ATP13A4: variants seen among roughly 807,000 people sequenced by gnomAD.
The protein encoded by ATP13A4 is probable cation-transporting ATPase 13A4.
A neutral mutation model predicts 142.5 loss-of-function variants in ATP13A4; 114 were observed. The ratio of observed to expected loss-of-function variants is 0.80; its 90% CI spans 0.69 to 0.93. The LOEUF is 0.93. Ranked by LOEUF, ATP13A4 falls within the 40% of genes least tolerant of loss-of-function variation. The pLI is 0.00. For missense variants in ATP13A4, 1,392 were observed against 1,454.0 expected (o/e 0.96, Z 0.69); for synonymous variants, 488 against 514.8 (o/e 0.95, Z 0.70).
At chr3:193,486,240 GC>G (rs928334980) in intron 7 of ATP13A4, among the ~76,000 whole-genome samples, 101 of 152,194 alleles carry the variant, frequency 6.6e-4, no homozygotes, top group African/African-American at 2.2e-3. Flanking sequence ...TCCAGGGAAA[GC>G]TTTAAAGTCT....
chr3:193,534,690 G>A (rs558698245), intron 1 of ATP13A4, among the ~76,000 whole-genome samples: 1 of 152,204 alleles, frequency 6.6e-6, no homozygotes, highest in South Asian at 2.1e-4. Flanking sequence ...CAGAGATAAA[G>A]TAGCCTTTAA....
chr3:193,419,415 G>A (rs898565652), intron 25 of ATP13A4, among the ~76,000 whole-genome samples: 2 of 150,068 alleles, frequency 1.3e-5, no homozygotes, highest in African/African-American at 4.9e-5. Context: ...CCATGCCTGA[G>A]CTGAAGTGTA....
intron 25 of ATP13A4, among the ~76,000 whole-genome samples, chr3:193,426,698 C>T (rs561107104): frequency 2.8e-4 from 43 of 152,014 alleles, no homozygotes; most frequent in Admixed American, 9.2e-4. Context: ...GCCCATACAT[C>T]TATGGCCAAC....
rs576270104 is a variant in ATP13A4, at chr3:193,533,025, A to C, written c.61-18154T>G. On this transcript the variant is annotated intron_variant, in intron 1 of 29. Transcript: ENST00000342695. ...TGTTAACAATGATAGAACTATGAGT[A>C]ATGTTTATTTCCTGATACTTTTCTG... Among the ~76,000 whole-genome samples, 6 of 152,336 alleles carry C rather than the reference A, an allele frequency of 3.9e-5. No homozygotes were observed. In the South Asian group the frequency reaches 1.2e-3, roughly 32 times the overall value.
chr3:193,414,044 A>G (rs536472460), intron 26 of ATP13A4, among the ~76,000 whole-genome samples: 3 of 152,162 alleles, frequency 2.0e-5, no homozygotes, highest in Non-Finnish European at 2.9e-5. Context: ...CGGAGGCCCA[A>G]CTGCAAAATT....
At chr3:193,490,665 G>A (rs1297376866) in intron 6 of ATP13A4, among the ~76,000 whole-genome samples, 5 of 152,130 alleles carry the variant, frequency 3.3e-5, no homozygotes, top group African/African-American at 7.2e-5. Context: ...GGTTAGAAAG[G>A]CAGCACACAG....
chr3:193,555,526 C>T (rs1723852961), upstream of ATP13A4, among the ~76,000 whole-genome samples: 2 of 152,168 alleles, frequency 1.3e-5, no homozygotes, highest in Admixed American at 1.3e-4. Flanking sequence ...AGTCTCCTTT[C>T]ACTAAAATAT....
intron 2 of ATP13A4, among the ~76,000 whole-genome samples, chr3:193,513,537 C>T (rs766382752): frequency 6.6e-5 from 10 of 152,150 alleles, no homozygotes; most frequent in South Asian, 2.1e-4. Context: ...GTAACAGAAT[C>T]GCTACCACAT....
rs1576961907 is a variant in ATP13A4, at chr3:193,438,592, C to A, written c.2563-8G>T. Reference sequence around the variant, plus strand: ...ATGAGCCATTTTCAGAGCCTGAAAGCAAAGAATCAGCTTACTCCTCACATA... The same window carrying A: ...ATGAGCCATTTTCAGAGCCTGAAAGAAAAGAATCAGCTTACTCCTCACATA... On this transcript the variant is annotated splice_polypyrimidine_tract_variant and splice_region_variant and intron_variant, in intron 22 of 29. Transcript: ENST00000342695. The A allele has an allele frequency of 6.2e-7, 1 of 1,610,168 alleles. No individual in the cohort carries two copies. The highest frequency in any genetic ancestry group is 1.7e-5 in the Admixed American group (1 of 59,986).
rs759121104 is a variant in ATP13A4 at position 193,491,295 on chromosome 3, G to A, written c.603+34C>T. 8.0e-6 allele frequency: 12 copies of A among 1,507,084 alleles called. No homozygotes were observed. In the African/African-American group the frequency reaches 1.2e-4, roughly 16 times the overall value. 93.4% of individuals were successfully genotyped at this position (1,507,084 alleles called of 1,614,324 possible). On this transcript the variant is annotated intron_variant, in intron 6 of 29. Transcript: ENST00000342695. Reference sequence around the variant, plus strand: ...CTAGAGCCAAACTTCCTTATTTTCTGTCCAACACCAAGAGAAAATGCTGGA... The same window carrying A: ...CTAGAGCCAAACTTCCTTATTTTCTATCCAACACCAAGAGAAAATGCTGGA...
At chr3:193,573,297 A>ATATATATACTTATATATATATATATGTG (rs1724321250) in intron 2 of ATP13A4, among the ~76,000 whole-genome samples, 5 of 108,954 alleles carry the variant, frequency 4.6e-5, no homozygotes, top group Non-Finnish European at 7.3e-5. Flanking sequence ...ATACACATAT[A>ATATATATACTTATATATATATATATGTG]TATATATATA....
At chr3:193,518,884 G>T (rs1007828975) in intron 1 of ATP13A4, among the ~76,000 whole-genome samples, 3 of 152,132 alleles carry the variant, frequency 2.0e-5, no homozygotes, top group African/African-American at 7.2e-5. Flanking sequence ...TGGAGCTACA[G>T]TCTCACCCTG....
At chr3:193,482,202 T>C (rs192985889) in intron 8 of ATP13A4, among the ~76,000 whole-genome samples, 2 of 152,242 alleles carry the variant, frequency 1.3e-5, no homozygotes, top group East Asian at 3.9e-4. Context: ...GAAAACATAA[T>C]CTTTTCAACA....
At chr3:193,505,600 A>C (rs1560240071) in intron 2 of ATP13A4, among the ~76,000 whole-genome samples, 1 of 152,296 alleles carries the variant, frequency 6.6e-6, no homozygotes, top group East Asian at 1.9e-4. Context: ...TATGTATCAT[A>C]CATAATTCTG....
At chr3:193,552,978 G>A (rs1276444018) in intron 1 of ATP13A4, among the ~76,000 whole-genome samples, 1 of 152,172 alleles carries the variant, frequency 6.6e-6, no homozygotes, top group African/African-American at 2.4e-5. Context: ...TCTGGGCAAG[G>A]GATGGAGGAG....
intron 5 of ATP13A4, 23 bp downstream of exon 5, chr3:193,492,892 GTA>G: frequency 6.5e-7 from 1 of 1,538,514 alleles, no homozygotes; most frequent in Non-Finnish European, 9.0e-7. Flanking sequence ...TTTTGAGCTA[GTA>G]TAGGCAATAA....
intron 3 of ATP13A4, among the ~76,000 whole-genome samples, chr3:193,496,179 A>G (rs990535034): frequency 3.3e-5 from 5 of 152,220 alleles, no homozygotes; most frequent in Admixed American, 6.5e-5. Context: ...TTCAATTTCT[A>G]TCAAAATACC....
chr3:193,430,821 T>A (rs1350147876), intron 25 of ATP13A4, among the ~76,000 whole-genome samples: 1 of 152,008 alleles, frequency 6.6e-6, no homozygotes, highest in African/African-American at 2.4e-5. Context: ...ATGGGAAGCA[T>A]TGGAGCATTT....
chr3:193,554,554 A>T (rs1218934019), intron 1 of ATP13A4, 186 bp downstream of exon 1: 2 of 696,972 alleles, frequency 2.9e-6, no homozygotes, highest in Non-Finnish European at 4.9e-6. Context: ...CTGCTGTCAG[A>T]GGTTATATTT....
Sources: gnomAD v4.1 joint callset for allele counts (sites outside exome capture counted in the v4.1 genomes callset) on GRCh38, gnomAD v4.1.1 for gene constraint, MANE v1.5 for transcripts, NCBI Gene and HGNC (gene_info 2026-07-23, HGNC 2026-07-21) for gene names.